The following CDH18 variants were observed in gnomAD, a reference collection of about 807,000 sequenced individuals.
CDH18 encodes the protein cadherin 18, also known as cadherin-18.
A neutral mutation model predicts 67.9 loss-of-function variants in CDH18; 31 were observed. That is an observed-to-expected ratio of 0.46 (90% CI 0.34 to 0.62). The LOEUF is 0.62. CDH18 is among the 20% of genes least tolerant of loss of function. The probability of loss-of-function intolerance (pLI) is 0.01; values close to 1 mark genes in which losing one functional copy is unlikely to be tolerated. For synonymous variants in CDH18, 362 were observed against 347.2 expected (o/e 1.04, Z -0.48); for missense variants, 890 against 975.5 (o/e 0.91, Z 1.17).
intron 4 of CDH18, among the ~76,000 whole-genome samples, chr5:19,743,796 C>G (rs1446719369): frequency 3.9e-5 from 6 of 151,930 alleles, no homozygotes; most frequent in Non-Finnish European, 5.9e-5. Flanking sequence ...AGGCACACGC[C>G]TGTAATCCCA....
chr5:19,671,489 G>T (rs1758742941), intron 5 of CDH18, among the ~76,000 whole-genome samples: 1 of 152,042 alleles, frequency 6.6e-6, no homozygotes, highest in South Asian at 2.1e-4. Flanking sequence ...AGTTAATTGT[G>T]TTTTTCATAT....
At chr5:20,000,669 T>C (rs1429887134) in intron 2 of CDH18, among the ~76,000 whole-genome samples, 3 of 152,080 alleles carry the variant, frequency 2.0e-5, no homozygotes, top group Admixed American at 6.5e-5. Flanking sequence ...CCACAGATGA[T>C]TATGTTGATA....
In CDH18 at chr5:19,805,122, T is replaced by C. The variant is rs192533136; in HGVS notation, c.228+33637A>G. ...CCACCACACCTGGCTAATTTTTGTA[T>C]TTATTGAGGAGATGGGATTTTGCCC... On this transcript the variant is annotated intron_variant, in intron 3 of 12. Transcript: ENST00000382275. 3.0e-3 allele frequency among the ~76,000 whole-genome samples: 457 copies of C among 152,040 alleles called. 1 individual carries two copies. Among genetic ancestry groups the C allele is most frequent in the Non-Finnish European group, 4.5e-3 (307 of 67,960 alleles).
intron 1 of CDH18, among the ~76,000 whole-genome samples, chr5:20,552,816 T>C (rs1008317926): frequency 1.3e-5 from 2 of 152,012 alleles, no homozygotes; most frequent in African/African-American, 4.8e-5. Context: ...TGCAGTGGCG[T>C]GTGATCTCGG....
intron 1 of CDH18, among the ~76,000 whole-genome samples, chr5:20,525,718 C>A (rs567159872): frequency 6.6e-6 from 1 of 151,986 alleles, no homozygotes; most frequent in East Asian, 1.9e-4. Flanking sequence ...ACTAGATTAG[C>A]AAAAGGTAAA....
At chr5:19,502,323 T>C (rs1322810117) in intron 11 of CDH18, among the ~76,000 whole-genome samples, 1 of 152,168 alleles carries the variant, frequency 6.6e-6, no homozygotes, top group Admixed American at 6.6e-5. Context: ...ACATACCATA[T>C]GGCTTAATGT....
At chr5:19,855,107 T>A (rs1257067729) in intron 2 of CDH18, among the ~76,000 whole-genome samples, 2 of 152,160 alleles carry the variant, frequency 1.3e-5, no homozygotes, top group Admixed American at 6.6e-5. Flanking sequence ...ATAACCGATA[T>A]TGACTAGGTG....
chr5:19,606,129 C>T (rs1010584156), intron 6 of CDH18, among the ~76,000 whole-genome samples: 1 of 151,196 alleles, frequency 6.6e-6, no homozygotes, highest in Admixed American at 6.6e-5. Context: ...AGCTACTTCC[C>T]GGAAGTAAGG....
intron 2 of CDH18, among the ~76,000 whole-genome samples, chr5:20,220,192 G>A (rs949854225): frequency 2.6e-5 from 4 of 151,806 alleles, no homozygotes; most frequent in African/African-American, 4.8e-5. Context: ...AGAGCAAAAC[G>A]GGAGGAACCA....
chr5:19,591,427 T>C (rs1745117639), intron 6 of CDH18, among the ~76,000 whole-genome samples, 183 bp from the exon 7 acceptor site: 1 of 152,140 alleles, frequency 6.6e-6, no homozygotes, highest in African/African-American at 2.4e-5. Flanking sequence ...ATATAAACTT[T>C]AAAAGGTACG....
chr5:19,481,099 GTTTGTGACA>G lies in CDH18; in HGVS notation c.1882+2193_1882+2201del, dbSNP rs1176972107. On this transcript the variant is annotated intron_variant, in intron 12 of 12. Transcript: ENST00000382275. ...CCTTGATACCCTCTTTTCCCTCAAC[GTTTGTGACA>G]TTATACTTTACTTTCTTCCTACTCT... 2.0e-5 allele frequency among the ~76,000 whole-genome samples: 3 copies of G among 152,198 alleles called. No homozygotes were observed. The East Asian group carries it at 5.8e-4, about 29-fold the overall frequency.
intron 2 of CDH18, among the ~76,000 whole-genome samples, chr5:20,205,399 T>A (rs370175408): frequency 2.0e-5 from 3 of 151,852 alleles, no homozygotes; most frequent in African/African-American, 7.2e-5. Flanking sequence ...TTAATAGATC[T>A]AAAGGGAGAG....
rs964655728 is a variant in CDH18 at position 19,725,768 on chromosome 5, TCAA to T, written c.524-4305_524-4303del. 5.3e-5 allele frequency among the ~76,000 whole-genome samples: 8 copies of T among 152,218 alleles called. No homozygotes were observed. The South Asian group carries it at 6.2e-4, about 12-fold the overall frequency. ...TGGGCAACAACAATGAAACTCCGTC[TCAA>T]CAACAACAACAACAAAAATCTTTCT... On this transcript the variant is annotated intron_variant, in intron 4 of 12. Coordinates refer to ENST00000382275, the MANE Select transcript of CDH18 (RefSeq NM_004934.5).
chr5:19,584,364 T>C (rs1217266115), intron 7 of CDH18, among the ~76,000 whole-genome samples: 3 of 152,142 alleles, frequency 2.0e-5, no homozygotes, highest in African/African-American at 7.2e-5. Context: ...TTTCTATCTG[T>C]GAGGAGATTA....
At chr5:20,082,065 A>C (rs1243060848) in intron 2 of CDH18, among the ~76,000 whole-genome samples, 1 of 152,174 alleles carries the variant, frequency 6.6e-6, no homozygotes, top group Non-Finnish European at 1.5e-5. Flanking sequence ...TTCATGTTAC[A>C]CTGTGTGCAT....
intron 1 of CDH18, among the ~76,000 whole-genome samples, chr5:20,554,639 A>G (rs974454589): frequency 3.3e-5 from 5 of 152,150 alleles, no homozygotes; most frequent in African/African-American, 1.2e-4. Flanking sequence ...CTCTCACTCC[A>G]TGTGCTTTCC....
chr5:20,259,877 G>A (rs1177888730), intron 1 of CDH18, among the ~76,000 whole-genome samples: 1 of 151,940 alleles, frequency 6.6e-6, no homozygotes, highest in African/African-American at 2.4e-5. Context: ...GGAAAGGGTA[G>A]ACATGAATAG....
intron 2 of CDH18, among the ~76,000 whole-genome samples, chr5:19,898,219 C>T (rs1305179694): frequency 6.6e-6 from 1 of 151,718 alleles, no homozygotes; most frequent in Non-Finnish European, 1.5e-5. Flanking sequence ...CAAGAGTATG[C>T]CATATCTTTT....
chr5:19,993,588 G>T (rs1800099665), intron 2 of CDH18, among the ~76,000 whole-genome samples: 1 of 151,812 alleles, frequency 6.6e-6, no homozygotes, highest in Non-Finnish European at 1.5e-5. Flanking sequence ...CCTATTCCTT[G>T]CTTTTTCTGT....
Sources: allele counts gnomAD v4.1 joint callset (sites outside exome capture counted in the v4.1 genomes callset), GRCh38; gene constraint gnomAD v4.1.1; transcripts MANE v1.5; gene names NCBI Gene and HGNC (gene_info 2026-07-23, HGNC 2026-07-21).